The following CFAP90 variants were observed in gnomAD, a reference collection of about 807,000 sequenced individuals.
The protein encoded by CFAP90 is cilia and flagella associated protein 90.
chr5:7,849,686 G>T, the CFAP90 span, among the ~76,000 whole-genome samples: 2 of 152,228 alleles, frequency 1.3e-5, no homozygotes. Flanking sequence ...AGTGGCCTTC[G>T]CAGACTCGCA....
the CFAP90 span, among the ~76,000 whole-genome samples, chr5:7,842,985 C>T: frequency 6.6e-6 from 1 of 152,166 alleles, no homozygotes; most frequent in Non-Finnish European, 1.5e-5. Flanking sequence ...CATAGCACAT[C>T]CTAGCCCACC....
chr5:7,836,122 G>T, the CFAP90 span, among the ~76,000 whole-genome samples: 18 of 152,206 alleles, frequency 1.2e-4, no homozygotes, highest in Non-Finnish European at 1.9e-4. Context: ...CCTCCCAAAG[G>T]CCCCGCCTCC....
the CFAP90 span, among the ~76,000 whole-genome samples, chr5:7,834,611 A>G: frequency 6.6e-6 from 1 of 152,188 alleles, no homozygotes; most frequent in East Asian, 1.9e-4. Flanking sequence ...AGCAACTTCC[A>G]GTCCTGCAAG....
At chr5:7,841,652 G>A in the CFAP90 span, among the ~76,000 whole-genome samples, 1 of 152,128 alleles carries the variant, frequency 6.6e-6, no homozygotes, top group Non-Finnish European at 1.5e-5. Flanking sequence ...GCCATAAAAA[G>A]GAATGAGATC....
the CFAP90 span, among the ~76,000 whole-genome samples, chr5:7,849,664 T>G: frequency 6.6e-6 from 1 of 152,168 alleles, no homozygotes; most frequent in Admixed American, 6.5e-5. Context: ...TGGTGGGAGA[T>G]GCAGGGTGCC....
At chr5:7,851,036 G>A in the CFAP90 span, 2 of 1,241,404 alleles carry the variant, frequency 1.6e-6, no homozygotes, top group Non-Finnish European at 2.0e-6. Context: ...CCACCGTCCA[G>A]CGCCCCCGCC....
At chr5:7,846,070 C>T in the CFAP90 span, among the ~76,000 whole-genome samples, 2 of 151,968 alleles carry the variant, frequency 1.3e-5, no homozygotes, top group Admixed American at 1.3e-4. Context: ...AATAGCTATA[C>T]TTGCATTGGG....
the CFAP90 span, among the ~76,000 whole-genome samples, chr5:7,843,800 C>T: frequency 2.0e-4 from 30 of 152,224 alleles, no homozygotes; most frequent in African/African-American, 4.3e-4. Context: ...CCCCTTAAAA[C>T]GGGGTGATTT....
At chr5:7,848,436 G>T in the CFAP90 span, among the ~76,000 whole-genome samples, 2 of 152,154 alleles carry the variant, frequency 1.3e-5, no homozygotes, top group African/African-American at 4.8e-5. Flanking sequence ...GTATTTGTCA[G>T]CTGGGGCTGC....
At chr5:7,833,868 T>C in the CFAP90 span, among the ~76,000 whole-genome samples, 1 of 152,204 alleles carries the variant, frequency 6.6e-6, no homozygotes, top group Non-Finnish European at 1.5e-5. Context: ...TGTTGTCATG[T>C]CATAGTGCAA....
the CFAP90 span, among the ~76,000 whole-genome samples, chr5:7,842,662 G>T: frequency 4.6e-5 from 7 of 152,042 alleles, no homozygotes; most frequent in African/African-American, 1.7e-4. Flanking sequence ...CCAAGCAATT[G>T]CACCAAGAGC....
chr5:7,841,205 T>C, the CFAP90 span, among the ~76,000 whole-genome samples: 1 of 151,854 alleles, frequency 6.6e-6, no homozygotes, highest in Non-Finnish European at 1.5e-5. Context: ...TAGACACACA[T>C]GTGGCCAACA....
At chr5:7,835,562 G>T in the CFAP90 span, 1 of 912,278 alleles carries the variant, frequency 1.1e-6, no homozygotes, top group Non-Finnish European at 1.7e-6. Flanking sequence ...GAGGCCCGAT[G>T]GAGCACAGAG....
chr5:7,839,189 A>G, the CFAP90 span, among the ~76,000 whole-genome samples: 1 of 152,178 alleles, frequency 6.6e-6, no homozygotes, highest in Non-Finnish European at 1.5e-5. Flanking sequence ...ACCCACCCCA[A>G]TAATTCAATC....
At chr5:7,831,062 A>G in the CFAP90 span, 1 of 152,192 alleles carries the variant, frequency 6.6e-6, no homozygotes, top group Non-Finnish European at 1.5e-5. Flanking sequence ...CACTTTAAAT[A>G]TGAGGAAATG....
At chr5:7,832,162 C>G in the CFAP90 span, 2 of 833,364 alleles carry the variant, frequency 2.4e-6, no homozygotes, top group Admixed American at 2.4e-5. Context: ...GAGGGAACCT[C>G]CACGCTGAAG....
chr5:7,834,296 C>T, the CFAP90 span, among the ~76,000 whole-genome samples: 1 of 151,776 alleles, frequency 6.6e-6, no homozygotes, highest in South Asian at 2.1e-4. Context: ...TAACCAAAAA[C>T]TTTAAAAGCT....
At chr5:7,833,616 T>TACATATACACACATATATACATACAC in the CFAP90 span, among the ~76,000 whole-genome samples, 1 of 152,064 alleles carries the variant, frequency 6.6e-6, no homozygotes, top group Non-Finnish European at 1.5e-5. Flanking sequence ...TATCTGTACA[T>TACATATACACACATATATACATACAC]ACATGTACAC....
the CFAP90 span, among the ~76,000 whole-genome samples, chr5:7,833,457 C>T: frequency 1.4e-5 from 2 of 144,020 alleles, no homozygotes; most frequent in Non-Finnish European, 2.9e-5. Flanking sequence ...CAAGCAGGCA[C>T]ACACACATGC....
Sources: gnomAD v4.1 joint callset for allele counts (sites outside exome capture counted in the v4.1 genomes callset) on GRCh38, gnomAD v4.1.1 for gene constraint, MANE v1.5 for transcripts, NCBI Gene and HGNC (gene_info 2026-07-23, HGNC 2026-07-21) for gene names.